Variants in MTSS2 observed in about 807,000 individuals in gnomAD.
MTSS2 encodes MTSS I-BAR domain containing 2.
A neutral mutation model predicts 67.1 loss-of-function variants in MTSS2; 27 were observed. The ratio of observed to expected loss-of-function variants is 0.40; its 90% CI spans 0.30 to 0.55. MTSS2 has a LOEUF of 0.55. Among genes scored for constraint, MTSS2 ranks in the 20% least tolerant of loss-of-function variants. The pLI, the probability that MTSS2 is intolerant of heterozygous loss-of-function variation, is 0.43. For synonymous variants in MTSS2, 624 were observed against 468.6 expected, an observed-to-expected ratio of 1.33 and a Z score of -4.28; for missense variants, 1,171 against 1,067.8, an observed-to-expected ratio of 1.10 and a Z score of -1.35.
intron 11 of MTSS2, among the ~76,000 whole-genome samples, chr16:70,667,278 CAAAAA>C (rs34779308): frequency 1.4e-5 from 1 of 69,788 alleles, no homozygotes; most frequent in African/African-American, 5.9e-5. Flanking sequence ...GACTCTGTCT[CAAAAA>C]AAAAAAAAAA....
At chr16:70,675,670 C>T (rs145586264) in intron 10 of MTSS2, among the ~76,000 whole-genome samples, 2 of 152,336 alleles carry the variant, frequency 1.3e-5, no homozygotes, top group East Asian at 3.9e-4. Flanking sequence ...CCTGCCTCGG[C>T]CTCCCGAACT....
In MTSS2 at chr16:70,679,664, C is replaced by A. The variant is rs961257981; in HGVS notation, c.423G>T (p.Ser141=). The change falls in exon 6 of 15, where the codon TCG becomes TCT. Residue 141 remains serine, a synonymous_variant. Coordinates refer to ENST00000338779, the MANE Select transcript of MTSS2 (RefSeq NM_138383.3). ...RARHEIKKKS[S]DTLKLQKKAR... is the part of the protein sequence containing the mutation. ...CCTTCTTCTGCAGCTTCAGCGTGTCCGACGACTTCTTTTTGATCTCATGCC... is the reference window on the plus strand; with the variant it reads ...CCTTCTTCTGCAGCTTCAGCGTGTCAGACGACTTCTTTTTGATCTCATGCC... 2 of 1,610,206 alleles carry A rather than the reference C, an allele frequency of 1.2e-6. No homozygotes were observed. Among genetic ancestry groups the A allele is most frequent in the African/African-American group, 2.7e-5 (2 of 74,874 alleles).
chr16:70,672,341 C>CAAAAAAAAAAA (rs11297993), intron 11 of MTSS2, among the ~76,000 whole-genome samples: 4 of 80,908 alleles, frequency 4.9e-5, no homozygotes, highest in Non-Finnish European at 6.9e-5. Context: ...GAGCAAAATT[C>CAAAAAAAAAAA]AAAAAAAAAA....
rs139618050 is a variant in MTSS2 at position 70,664,632 on chromosome 16, C to T, written c.1437G>A (p.Thr479=). ...GGATGGTGTCCTCAGAGCAGGAGGGCGTGGTGGTCTGCGTGCTGTAGCCGC... is the reference window on the plus strand; with the variant it reads ...GGATGGTGTCCTCAGAGCAGGAGGGTGTGGTGGTCTGCGTGCTGTAGCCGC... The part of the protein sequence containing the change: ...YSSGYSTQTT[T]PSCSEDTIPS... The change falls in exon 14 of 15, where the codon ACG becomes ACA. Residue 479 remains threonine, a synonymous_variant. Coordinates refer to ENST00000338779, the MANE Select transcript of MTSS2 (RefSeq NM_138383.3). 1.2e-3 allele frequency: 1,856 copies of T among 1,613,216 alleles called. 25 individuals carry two copies. The African/African-American group carries it at 0.019, about 17-fold the overall frequency.
In MTSS2 at chr16:70,680,135, G is replaced by A. The variant is rs1357031853; in HGVS notation, c.206-80C>T. On this transcript the variant is annotated intron_variant, in intron 3 of 14. Transcript: ENST00000338779. ...GCCTCGGGCCAGGAGGGGGCGCCCC[G>A]GCCGCGCAGGCGGAGCCCGCAGCCC... 9.7e-6 allele frequency: 10 copies of A among 1,029,248 alleles called. No individual in the cohort carries two copies. The East Asian group carries it at 3.9e-4, about 40-fold the overall frequency. The allele number at this position is 1,029,248 out of a possible 1,614,324, so 63.8% of individuals were successfully genotyped here. A position where few individuals can be genotyped will look rare whatever the true frequency, so the allele number is the denominator to read the frequency against.
At chr16:70,678,504 C>T (rs1261383598) in intron 7 of MTSS2, 95 bp from the exon 8 acceptor site, 7 of 1,446,350 alleles carry the variant, frequency 4.8e-6, no homozygotes, top group Admixed American at 2.2e-5. Flanking sequence ...CATCTCTCGG[C>T]CGTTGGGCTG....
chr16:70,667,303 A>AAAT (rs1252237128), intron 11 of MTSS2, among the ~76,000 whole-genome samples: 1 of 144,222 alleles, frequency 6.9e-6, no homozygotes, highest in East Asian at 2.0e-4. Context: ...AAAAAAAATC[A>AAAT]CTATTTACAA....
intron 11 of MTSS2, among the ~76,000 whole-genome samples, chr16:70,671,996 C>T (rs1488885983): frequency 2.6e-5 from 4 of 152,300 alleles, no homozygotes; most frequent in Admixed American, 1.3e-4. Context: ...CAAAGAGGGA[C>T]AGGTGTGAGA....
At chr16:70,668,817 T>C (rs765137096) in intron 11 of MTSS2, among the ~76,000 whole-genome samples, 2 of 152,202 alleles carry the variant, frequency 1.3e-5, no homozygotes, top group Non-Finnish European at 1.5e-5. Context: ...AGACACCGAA[T>C]CTGCTGGTGT....
intron 11 of MTSS2, among the ~76,000 whole-genome samples, chr16:70,666,993 A>C (rs1351493842): frequency 6.6e-6 from 1 of 152,198 alleles, no homozygotes; most frequent in East Asian, 1.9e-4. Context: ...AAAAGAAAGA[A>C]GGCCAAGTGT....
intron 11 of MTSS2, among the ~76,000 whole-genome samples, chr16:70,667,410 C>G (rs1213100803): frequency 1.3e-5 from 2 of 151,850 alleles, no homozygotes; most frequent in African/African-American, 2.4e-5. Flanking sequence ...AGAACAAAAT[C>G]CGAAAAAGAT....
chr16:70,684,278 C>T (rs1321342985), intron 1 of MTSS2, among the ~76,000 whole-genome samples: 3 of 152,010 alleles, frequency 2.0e-5, no homozygotes, highest in Admixed American at 2.0e-4. Context: ...GCTGTGATGT[C>T]CACAGGACAG....
chr16:70,663,888 A>C lies in MTSS2; in HGVS notation c.2033T>G (p.Leu678Arg), dbSNP rs1196705027. 1.3e-6 allele frequency: 2 copies of C among 1,547,116 alleles called. No individual in the cohort carries two copies. The highest frequency in any genetic ancestry group is 1.7e-6 in the Non-Finnish European group (2 of 1,148,106). ...AANRHSLVEK[L>R]GELVAGAHAL... is the part of the protein sequence containing the mutation. ...GTGGGCACCCGCCACCAGCTCCCCCAGCTTCTCCACCAGGCTGTGCCGGTT... is the reference window on the plus strand; with the variant it reads ...GTGGGCACCCGCCACCAGCTCCCCCCGCTTCTCCACCAGGCTGTGCCGGTT... The change falls in exon 15 of 15, where the codon CTG becomes CGG. Residue 678 changes from leucine (L) to arginine (R), a missense_variant. Around this residue, in one of 2 missense-constraint regions of MTSS2, gnomAD observed 924 missense variants for 756.0 expected, o/e 1.22. Transcript: ENST00000338779.
At chr16:70,675,558 G>A (rs1040868608) in intron 10 of MTSS2, among the ~76,000 whole-genome samples, 2 of 152,134 alleles carry the variant, frequency 1.3e-5, no homozygotes, top group Non-Finnish European at 2.9e-5. Flanking sequence ...GGGACTACAG[G>A]CACACACCAC....
intron 1 of MTSS2, 130 bp downstream of exon 1, chr16:70,685,593 G>A: frequency 2.3e-6 from 1 of 426,224 alleles, no homozygotes; most frequent in Non-Finnish European, 3.3e-6. Flanking sequence ...ACGCAGGCAG[G>A]ACGCGCTCAG....
intron 11 of MTSS2, among the ~76,000 whole-genome samples, chr16:70,672,821 C>A (rs2052987869): frequency 6.6e-6 from 1 of 152,032 alleles, no homozygotes; most frequent in African/African-American, 2.4e-5. Context: ...ATGCATCCAA[C>A]TGGAATCCCT....
At chr16:70,666,736 T>G (rs1382224185) in intron 11 of MTSS2, among the ~76,000 whole-genome samples, 1 of 152,070 alleles carries the variant, frequency 6.6e-6, no homozygotes, top group African/African-American at 2.4e-5. Flanking sequence ...AAAAACTCAA[T>G]GGAAAAAGTA....
chr16:70,684,983 G>T (rs2053408070), intron 1 of MTSS2, among the ~76,000 whole-genome samples: 1 of 152,206 alleles, frequency 6.6e-6, no homozygotes, highest in South Asian at 2.1e-4. Context: ...TGAATGGGTG[G>T]TTGGATCCAG....
chr16:70,668,425 T>TA (rs947430746), intron 11 of MTSS2, among the ~76,000 whole-genome samples: 20 of 152,076 alleles, frequency 1.3e-4, no homozygotes, highest in African/African-American at 3.9e-4. Context: ...AAAGACTTTT[T>TA]ATAAATAATT....
Sources: gnomAD v4.1 joint callset for allele counts (sites outside exome capture counted in the v4.1 genomes callset) on GRCh38, gnomAD v4.1.1 for gene constraint, gnomAD v4.1.1 regional missense constraint, MANE v1.5 for transcripts, NCBI Gene and HGNC (gene_info 2026-07-23, HGNC 2026-07-21) for gene names.